Variants in AGRN observed in about 807,000 individuals in gnomAD.
The protein encoded by AGRN is agrin.
AGRN carries 106 observed loss-of-function variants against 211.0 expected under a neutral mutation model. That is an observed-to-expected ratio of 0.50 (90% CI 0.43 to 0.59). The LOEUF (loss-of-function observed/expected upper bound fraction) is 0.59, where lower values mean the gene tolerates loss of function less well. Among genes scored for constraint, AGRN ranks in the 20% least tolerant of loss-of-function variants. The pLI is 0.00. For missense variants in AGRN, 3,040 were observed against 2,982.6 expected, an observed-to-expected ratio of 1.02 and a Z score of -0.45; for synonymous variants, 1,525 against 1,332.5, an observed-to-expected ratio of 1.14 and a Z score of -3.15.
Position 1,046,450 on chromosome 1 carries a change from C to T in AGRN, c.2965C>T (p.Pro989Ser), listed in dbSNP as rs1645096559. 1.2e-6 allele frequency: 2 copies of T among 1,612,490 alleles called. No individual in the cohort carries two copies. The highest frequency in any genetic ancestry group is 1.7e-5 in the Admixed American group (1 of 59,990). ...ATCTGCCTCCGTGACTGTGACCACCCCAGGGCTCCTCCTGAGCCAGGCACT... is the reference window on the plus strand; with the variant it reads ...ATCTGCCTCCGTGACTGTGACCACCTCAGGGCTCCTCCTGAGCCAGGCACT... ...PTSASVTVTT[P>S]GLLLSQALPA... Residue 989 changes from proline to serine, a missense_variant, in exon 18 of 36, where the codon CCA (proline) becomes TCA (serine). By Grantham distance (74) the Pro-to-Ser change is moderately conservative. Coordinates refer to ENST00000379370, the MANE Select transcript of AGRN (RefSeq NM_198576.4).
chr1:1,049,817 G>T, intron 26 of AGRN, 22 bp downstream of exon 26: 1 of 1,607,586 alleles, frequency 6.2e-7, no homozygotes, highest in East Asian at 2.2e-5. Context: ...GCCGGGGCGG[G>T]TGGGAGTGGG....
In AGRN at chr1:1,048,859, C is replaced by A; in HGVS notation, c.4106-8C>A. ...TTTCCAGCCGGCCCTCCCGGTCGCC[C>A]TTTGCAGTGCTTGGCGCCCCTGTGC... On this transcript the variant is annotated splice_region_variant and splice_polypyrimidine_tract_variant and intron_variant, in intron 23 of 35. Coordinates refer to ENST00000379370, the MANE Select transcript of AGRN (RefSeq NM_198576.4). This position sits in a 1 kb window ranked among gnomAD's most constrained non-coding sequence, Gnocchi z 5.9. 1 of 1,535,226 alleles carries A rather than the reference C, an allele frequency of 6.5e-7. No homozygotes were observed. Among genetic ancestry groups the A allele is most frequent in the Admixed American group, 2.0e-5 (1 of 50,980 alleles).
In AGRN at chr1:1,043,968, C is replaced by A. The variant is rs535437903; in HGVS notation, c.1944C>A (p.Ala648=). The change falls in exon 10 of 36, where the codon GCC becomes GCA. Residue 648 remains alanine (A), a synonymous_variant. Transcript: ENST00000379370. The part of the protein sequence containing the change: ...TYGSACELRE[A]ACLQQTQIEE... ...GCAGTGCCTGCGAGCTACGGGAAGCCGCCTGCCTCCAGCAGACACAGATCG... is the reference window on the plus strand; with the variant it reads ...GCAGTGCCTGCGAGCTACGGGAAGCAGCCTGCCTCCAGCAGACACAGATCG... The A allele has an allele frequency of 1.9e-6, 3 of 1,605,798 alleles. No homozygotes were observed. The highest frequency in any genetic ancestry group is 2.5e-6 in the Non-Finnish European group (3 of 1,178,766).
chr1:1,025,553 ACTC>A (rs1453963781), intron 2 of AGRN, among the ~76,000 whole-genome samples: 1 of 149,646 alleles, frequency 6.7e-6, no homozygotes, highest in South Asian at 2.1e-4. Context: ...CCTGCCCCCA[ACTC>A]CTCCGCATTC....
chr1:1,033,191 A>T (rs1644711166), intron 2 of AGRN, among the ~76,000 whole-genome samples: 1 of 151,570 alleles, frequency 6.6e-6, no homozygotes, highest in Non-Finnish European at 1.5e-5. Context: ...CCCGCGCGGG[A>T]GTCGGGGGCG....
Position 1,049,413 on chromosome 1 carries a change from C to T in AGRN, c.4476C>T (p.Asp1492=), listed in dbSNP as rs764644357. 60 of 1,599,078 alleles carry T rather than the reference C, an allele frequency of 3.8e-5. No homozygotes were observed. In the Middle Eastern group the frequency reaches 9.9e-4, roughly 26 times the overall value. ...SGTDGLNLDT[D]LFVGGVPEDQ... ...CCGACGGCCTCAACCTGGACACAGA[C>T]CTCTTTGTGGGCGGCGTACCCGAGG... Residue 1492 remains aspartate (D), a synonymous_variant, in exon 25 of 36, where the codon GAC becomes GAT. Coordinates refer to ENST00000379370, the MANE Select transcript of AGRN (RefSeq NM_198576.4).
In AGRN at chr1:1,041,634, TG is replaced by T. The variant is rs1320400175; in HGVS notation, c.1112del (p.Gly371AlafsTer111). Reference protein sequence around the residue: ...DGVTYENDCVMGRSGAARGLL... With the variant: ...DGVTYENDCVXGRSGAARGLL... ...GTCACCTACGAAAACGACTGTGTCATGGGCCGATCGGGGGCCGCCCGGGGTC... is the reference window on the plus strand; with the variant it reads ...GTCACCTACGAAAACGACTGTGTCATGGCCGATCGGGGGCCGCCCGGGGTC... On this transcript the variant is annotated frameshift_variant, in exon 6 of 36. Transcript: ENST00000379370. LOFTEE classifies it high-confidence loss of function. The T allele has an allele frequency of 1.2e-6, 2 of 1,611,094 alleles. No individual in the cohort carries two copies. Among genetic ancestry groups the T allele is most frequent in the Non-Finnish European group, 1.7e-6 (2 of 1,179,156 alleles).
Position 1,039,340 on chromosome 1 carries a change from A to G in AGRN, c.512-1325A>G, listed in dbSNP as rs555414608. Among the ~76,000 whole-genome samples, 9 of 151,306 alleles carry G rather than the reference A, an allele frequency of 5.9e-5. No individual in the cohort carries two copies. The South Asian group carries it at 1.1e-3, about 18-fold the overall frequency. On this transcript the variant is annotated intron_variant, in intron 3 of 35. Transcript: ENST00000379370. ...CAGGGACACCCAGACAGACAGCGCC[A>G]GAGCCTGGGGTGGGCTGTTGCTATA...
chr1:1,027,331 C>A (rs1644542944), intron 2 of AGRN, among the ~76,000 whole-genome samples: 1 of 152,248 alleles, frequency 6.6e-6, no homozygotes, highest in African/African-American at 2.4e-5. Context: ...GGAGCCTCCA[C>A]TAGTGGGCCA....
intron 1 of AGRN, 147 bp from the exon 2 acceptor site, chr1:1,022,054 C>T (rs1325573040): frequency 1.4e-5 from 14 of 1,017,890 alleles, no homozygotes; most frequent in Admixed American, 4.2e-5. Context: ...CCCCAGCTTC[C>T]GCCCAGCGGG....
chr1:1,044,941 C>T (rs988260710), intron 12 of AGRN, among the ~76,000 whole-genome samples: 1 of 152,168 alleles, frequency 6.6e-6, no homozygotes, highest in Admixed American at 6.5e-5. Context: ...TTTGGATGCT[C>T]TGTGTGTTGT....
At chr1:1,023,572 C>T (rs867964708) in intron 2 of AGRN, among the ~76,000 whole-genome samples, 11 of 152,040 alleles carry the variant, frequency 7.2e-5, no homozygotes, top group South Asian at 4.1e-4. Context: ...GATAGGCTGT[C>T]AGGAGCTGAG....
chr1:1,034,114 C>G (rs1323963990), intron 2 of AGRN: 1 of 985,190 alleles, frequency 1.0e-6, no homozygotes, highest in East Asian at 1.1e-4. Context: ...CCTGCCCGCT[C>G]CTATCGCCGC....
chr1:1,038,445 C>T (rs112109221), intron 3 of AGRN, among the ~76,000 whole-genome samples: 1 of 152,242 alleles, frequency 6.6e-6, no homozygotes, highest in South Asian at 2.1e-4. Flanking sequence ...GCAAGCAGTC[C>T]AGCCCCGCTC....
In AGRN at chr1:1,055,275, C is replaced by T. The variant is rs1053334577; in HGVS notation, c.*294C>T. On this transcript the variant is annotated 3_prime_UTR_variant, in exon 36 of 36. Transcript: ENST00000379370. ...ACGGTGTCCCCGCCGGGAAGCAGCC[C>T]CGGCTCCTGAATCACCCTCGCTCCG... 1 of 464,716 alleles carries T rather than the reference C, an allele frequency of 2.2e-6. No homozygotes were observed. The highest frequency in any genetic ancestry group is 2.0e-5 in the African/African-American group (1 of 50,622). 28.8% of individuals were successfully genotyped at this position (464,716 alleles called of 1,614,324 possible).
At chr1:1,036,199 C>T (rs193111560) in intron 3 of AGRN, among the ~76,000 whole-genome samples, 2 of 152,292 alleles carry the variant, frequency 1.3e-5, no homozygotes, top group Admixed American at 1.3e-4. Context: ...GATCTGAAGA[C>T]AGAGCCCTGG....
In AGRN at chr1:1,043,569, G is replaced by A; in HGVS notation, c.1635G>A (p.Leu545=). 2 of 1,605,158 alleles carry A rather than the reference G, an allele frequency of 1.2e-6. No individual in the cohort carries two copies. Among genetic ancestry groups the A allele is most frequent in the South Asian group, 2.2e-5 (2 of 91,072 alleles). The stretch of plus-strand genomic sequence containing the variant: ...GCGGGCAGTGCCGCTTTGGAGCCCT[G>A]TGCGAGGCCGAGACCGGGCGCTGCG... ...DRCGQCRFGA[L]CEAETGRCVC... Residue 545 remains leucine, a synonymous_variant, in exon 9 of 36, where the codon CTG becomes CTA. Coordinates refer to ENST00000379370, the MANE Select transcript of AGRN (RefSeq NM_198576.4).
At chr1:1,049,527 G>A (rs773368255) in intron 25 of AGRN, 39 bp from the exon 26 acceptor site, 1 of 1,592,072 alleles carries the variant, frequency 6.3e-7, no homozygotes, top group South Asian at 1.1e-5. Flanking sequence ...CTTTGCCTGT[G>A]GCCCCTGAGC....
chr1:1,026,039 G>A (rs905755962), intron 2 of AGRN, among the ~76,000 whole-genome samples: 2 of 152,112 alleles, frequency 1.3e-5, no homozygotes, highest in South Asian at 4.1e-4. Flanking sequence ...GGAGGGGTAG[G>A]GGAATCGGGT....
Sources: allele counts gnomAD v4.1 joint callset (sites outside exome capture counted in the v4.1 genomes callset), GRCh38; gene constraint gnomAD v4.1.1; non-coding constraint Gnocchi (gnomAD v3.1); transcripts MANE v1.5; gene names NCBI Gene and HGNC (gene_info 2026-07-23, HGNC 2026-07-21).